Variants in PEX14 observed in about 807,000 individuals in gnomAD.
PEX14 encodes the protein peroxisomal membrane protein PEX14.
PEX14 carries 15 observed loss-of-function variants against 49.5 expected under a neutral mutation model. The ratio of observed to expected loss-of-function variants is 0.30; its 90% CI spans 0.20 to 0.47. PEX14 has a LOEUF of 0.47. Among genes scored for constraint, PEX14 ranks in the 20% least tolerant of loss-of-function variants. The pLI is 1.00. For missense variants in PEX14, 398 were observed against 494.8 expected (o/e 0.80, Z 1.86); for synonymous variants, 210 against 212.7 (o/e 0.99, Z 0.11).
At chr1:10,594,772 G>A (rs529305966) in intron 3 of PEX14, among the ~76,000 whole-genome samples, 2 of 152,160 alleles carry the variant, frequency 1.3e-5, no homozygotes, top group Non-Finnish European at 1.5e-5. Context: ...CAGCCCTTCC[G>A]GGTCCCTGGT....
At chr1:10,614,935 C>T (rs749333770) in intron 4 of PEX14, among the ~76,000 whole-genome samples, 11 of 152,184 alleles carry the variant, frequency 7.2e-5, no homozygotes, top group Non-Finnish European at 1.0e-4. Flanking sequence ...ACAGAAGAGA[C>T]ACCTGACCAG....
At chr1:10,544,168 A>G (rs932479169) in intron 3 of PEX14, among the ~76,000 whole-genome samples, 2 of 152,178 alleles carry the variant, frequency 1.3e-5, no homozygotes, top group Admixed American at 1.3e-4. Flanking sequence ...GTTAATGAAT[A>G]TTAGTTGATT....
intron 3 of PEX14, among the ~76,000 whole-genome samples, chr1:10,584,234 T>G (rs1395632411): frequency 1.3e-5 from 2 of 151,984 alleles, no homozygotes; most frequent in Non-Finnish European, 2.9e-5. Context: ...AAGTTTGGAG[T>G]TGTCATTAAC....
intron 2 of PEX14, among the ~76,000 whole-genome samples, chr1:10,500,373 C>CAAAA (rs750781683): frequency 5.5e-3 from 242 of 43,706 alleles, no homozygotes; most frequent in African/African-American, 7.5e-3. Context: ...GATTCTGTCT[C>CAAAA]AAAAAAAAAA....
intron 2 of PEX14, among the ~76,000 whole-genome samples, chr1:10,496,784 C>G (rs1448979652): frequency 6.6e-6 from 1 of 151,662 alleles, no homozygotes; most frequent in Non-Finnish European, 1.5e-5. Flanking sequence ...TTATTTCTTT[C>G]TTTTCTGGGA....
At chr1:10,502,661 C>T (rs1641701965) in intron 2 of PEX14, among the ~76,000 whole-genome samples, 2 of 152,026 alleles carry the variant, frequency 1.3e-5, no homozygotes, top group African/African-American at 2.4e-5. Context: ...TGCTGTTGTT[C>T]CTGTAATCAG....
At chr1:10,563,784 T>C (rs11121592) in intron 3 of PEX14, among the ~76,000 whole-genome samples, 129,388 of 151,650 alleles carry the variant, frequency 0.85, 55,566 homozygotes, top group East Asian at 1. Context: ...TGGTGGCGGG[T>C]GCCTGTAGTT....
intron 2 of PEX14, among the ~76,000 whole-genome samples, chr1:10,510,791 G>A (rs766728122): frequency 1.4e-4 from 22 of 152,272 alleles, no homozygotes; most frequent in Middle Eastern, 3.4e-3. Flanking sequence ...GCTGCCTGGC[G>A]TCCTGCTAGG....
chr1:10,568,697 A>G (rs1472720904), intron 3 of PEX14, among the ~76,000 whole-genome samples: 1 of 152,096 alleles, frequency 6.6e-6, no homozygotes, highest in East Asian at 1.9e-4. Context: ...GACATCATGA[A>G]TTTGAGGATA....
intron 1 of PEX14, among the ~76,000 whole-genome samples, chr1:10,493,152 T>G (rs1641500352): frequency 6.6e-6 from 1 of 152,214 alleles, no homozygotes; most frequent in Non-Finnish European, 1.5e-5. Context: ...AGAGTAGACG[T>G]GAGGCCTTGT....
At chr1:10,568,248 A>G (rs1477567560) in intron 3 of PEX14, among the ~76,000 whole-genome samples, 1 of 151,378 alleles carries the variant, frequency 6.6e-6, no homozygotes, top group Non-Finnish European at 1.5e-5. Context: ...TTTAAATAAT[A>G]TGCTTTTATA....
Position 10,629,481 on chromosome 1 carries a change from G to T in PEX14, c.678-50G>T. 7.5e-7 allele frequency: 1 copy of T among 1,341,082 alleles called. No individual in the cohort carries two copies. Among genetic ancestry groups the T allele is most frequent in the Non-Finnish European group, 1.1e-6 (1 of 937,810 alleles). 83.1% of individuals were successfully genotyped at this position (1,341,082 alleles called of 1,614,324 possible). A position where few individuals can be genotyped will look rare whatever the true frequency, so the allele number is the denominator to read the frequency against. On this transcript the variant is annotated intron_variant, in intron 8 of 8. Coordinates refer to ENST00000356607, the MANE Select transcript of PEX14 (RefSeq NM_004565.3). This position sits in a 1 kb window ranked among gnomAD's most constrained non-coding sequence, Gnocchi z 8.5. The stretch of plus-strand genomic sequence containing the variant: ...CAGGGAAGGCGTGGCCCTTCGAAGG[G>T]GGGCGTCCTGAATGCCGCCACCAAC...
At position 10,623,122 on chromosome 1, in the gene PEX14, G is replaced by A; in HGVS notation, c.487+1G>A. ...CTGAGTGGCAGCGTGGCCCAGACAGGTAAAGATTAATGACTCCATCAAGTC... is the reference window on the plus strand; with the variant it reads ...CTGAGTGGCAGCGTGGCCCAGACAGATAAAGATTAATGACTCCATCAAGTC... On this transcript the variant is annotated splice_donor_variant, in intron 6 of 8. Transcript: ENST00000356607. LOFTEE classifies it high-confidence loss of function. The surrounding 1 kb of genome is among the most constrained non-coding windows in gnomAD (Gnocchi z 4.4). 1 of 1,607,164 alleles carries A rather than the reference G, an allele frequency of 6.2e-7. No individual in the cohort carries two copies. The highest frequency in any genetic ancestry group is 8.5e-7 in the Non-Finnish European group (1 of 1,174,370).
chr1:10,515,916 T>C (rs1641961638), intron 2 of PEX14, among the ~76,000 whole-genome samples: 1 of 152,140 alleles, frequency 6.6e-6, no homozygotes, highest in African/African-American at 2.4e-5. Context: ...TATTAGCCTC[T>C]GTGTGTTGGG....
At chr1:10,525,293 C>T (rs1322812802) in intron 2 of PEX14, among the ~76,000 whole-genome samples, 3 of 151,810 alleles carry the variant, frequency 2.0e-5, no homozygotes, top group Admixed American at 6.6e-5. Flanking sequence ...TTTCACAGCC[C>T]TTATGTCATT....
At chr1:10,537,328 G>GCAT (rs1328198223) in intron 3 of PEX14, among the ~76,000 whole-genome samples, 1 of 90,246 alleles carries the variant, frequency 1.1e-5, no homozygotes, top group Non-Finnish European at 2.0e-5. Flanking sequence ...CTCACTGGCT[G>GCAT]CATTGTGCCA....
intron 3 of PEX14, 138 bp downstream of exon 3, chr1:10,536,435 C>G: frequency 1.4e-6 from 1 of 704,440 alleles, no homozygotes; most frequent in East Asian, 2.7e-5. Context: ...GGGGCTGAGG[C>G]GAACCCCCCA....
intron 2 of PEX14, among the ~76,000 whole-genome samples, chr1:10,508,558 G>T (rs1557817796): frequency 6.6e-6 from 1 of 152,106 alleles, no homozygotes; most frequent in Admixed American, 6.5e-5. Flanking sequence ...CCTTGTCAGA[G>T]TGAGTCCCAG....
chr1:10,536,177 G>A (rs933761852), intron 2 of PEX14, 36 bp from the exon 3 acceptor site: 8 of 1,239,044 alleles, frequency 6.5e-6, no homozygotes, highest in Middle Eastern at 1.9e-4. Flanking sequence ...GACTATTGAA[G>A]TGAAGTTTAC....
Sources: gnomAD v4.1 joint callset for allele counts (sites outside exome capture counted in the v4.1 genomes callset) on GRCh38, gnomAD v4.1.1 for gene constraint, Gnocchi (gnomAD v3.1) non-coding constraint, MANE v1.5 for transcripts, NCBI Gene and HGNC (gene_info 2026-07-23, HGNC 2026-07-21) for gene names.